Variants in FOXP2 observed in about 807,000 individuals in gnomAD.
FOXP2 encodes the protein forkhead box protein P2.
Under a neutral mutation model 115.8 loss-of-function variants are expected in FOXP2, and 12 were observed. That is an observed-to-expected ratio of 0.10 (90% CI 0.07 to 0.17). The LOEUF (loss-of-function observed/expected upper bound fraction) is 0.17, where lower values mean the gene tolerates loss of function less well. FOXP2 is among the 10% of genes least tolerant of loss of function. The probability of loss-of-function intolerance (pLI) is 1.00; values close to 1 mark genes in which losing one functional copy is unlikely to be tolerated. For missense variants in FOXP2, 629 were observed against 843.5 expected (o/e 0.75, Z 3.15); for synonymous variants, 328 against 297.7 (o/e 1.10, Z -1.05).
chr7:114,469,483 A>G lies in FOXP2; in HGVS notation c.168+42804A>G, dbSNP rs141817398. ...CATTTTCACAGTGGTAAGTTTTTAC[A>G]AAGATATCTAAAAACCACAATAAAA... On this transcript the variant is annotated intron_variant, in intron 2 of 16. Transcript: ENST00000350908. Among the ~76,000 whole-genome samples, 3 of 152,328 alleles carry G rather than the reference A, an allele frequency of 2.0e-5. No homozygotes were observed. The East Asian group carries it at 5.8e-4, about 29-fold the overall frequency.
intron 1 of FOXP2, among the ~76,000 whole-genome samples, chr7:114,127,897 G>A (rs16869679): frequency 1.3e-5 from 2 of 151,934 alleles, no homozygotes; most frequent in Non-Finnish European, 2.9e-5. Flanking sequence ...GACAGTACTA[G>A]GAGATTAAAA....
intron 3 of FOXP2, among the ~76,000 whole-genome samples, chr7:114,542,765 A>G (rs987611533): frequency 1.3e-5 from 2 of 151,306 alleles, no homozygotes; most frequent in African/African-American, 2.4e-5. Context: ...AATGTGGAAT[A>G]AATTTTTTTG....
At chr7:114,377,022 G>T (rs1422449623) in intron 2 of FOXP2, among the ~76,000 whole-genome samples, 1 of 152,130 alleles carries the variant, frequency 6.6e-6, no homozygotes, top group Non-Finnish European at 1.5e-5. Flanking sequence ...GTGCAGGACA[G>T]ATGTCAGACA....
chr7:114,365,980 A>G (rs1791870701), intron 2 of FOXP2, among the ~76,000 whole-genome samples: 1 of 152,236 alleles, frequency 6.6e-6, no homozygotes, highest in African/African-American at 2.4e-5. Context: ...TACCGTCAGT[A>G]TGAATTTTTC....
chr7:114,479,747 A>G (rs1438768530), intron 2 of FOXP2, among the ~76,000 whole-genome samples: 1 of 151,532 alleles, frequency 6.6e-6, no homozygotes, highest in Non-Finnish European at 1.5e-5. Flanking sequence ...GTTTTTTCAG[A>G]AATAAATATA....
intron 1 of FOXP2, among the ~76,000 whole-genome samples, chr7:114,426,165 A>G (rs1793836257): frequency 6.6e-6 from 1 of 151,678 alleles, no homozygotes; most frequent in Non-Finnish European, 1.5e-5. Context: ...GAAACAGAAC[A>G]GAGTGTGCAA....
rs1011245354 is a variant in FOXP2 at position 114,601,267 on chromosome 7, C to T, written c.259-27273C>T. Among the ~76,000 whole-genome samples the T allele has an allele frequency of 5.3e-5, 8 of 152,008 alleles. No individual in the cohort carries two copies. In the South Asian group the frequency reaches 1.5e-3, roughly 28 times the overall value. ...AGGTGTGAGCCACCACACTTGGCCT[C>T]TTCTCATTGTCTTAACTGTGTTTTG... is the stretch of plus-strand genomic sequence containing the variant. On this transcript the variant is annotated intron_variant, in intron 3 of 16. Transcript: ENST00000350908.
At chr7:114,630,065 G>T (rs1483574876) in intron 5 of FOXP2, 60 bp downstream of exon 5, 1 of 1,600,794 alleles carries the variant, frequency 6.2e-7, no homozygotes, top group Non-Finnish European at 8.5e-7. Flanking sequence ...GGCTTTGAGC[G>T]GCAAGAATAG....
At chr7:114,488,518 T>C (rs1261017730) in intron 2 of FOXP2, among the ~76,000 whole-genome samples, 1 of 152,210 alleles carries the variant, frequency 6.6e-6, no homozygotes, top group Non-Finnish European at 1.5e-5. Flanking sequence ...ATGTGATCCA[T>C]AGAGACCACA....
At chr7:114,643,529 C>T (rs966716245) in intron 7 of FOXP2, among the ~76,000 whole-genome samples, 1 of 151,892 alleles carries the variant, frequency 6.6e-6, no homozygotes, top group African/African-American at 2.4e-5. Context: ...TTTTTTATTT[C>T]AGTTATTAAT....
intron 1 of FOXP2, among the ~76,000 whole-genome samples, chr7:114,166,294 G>A (rs1427639814): frequency 6.6e-6 from 1 of 152,064 alleles, no homozygotes; most frequent in African/African-American, 2.4e-5. Context: ...TTTGAGGAAA[G>A]CTTCTGTTAA....
intron 3 of FOXP2, chr7:114,613,870 T>A (rs959818025): frequency 6.6e-6 from 1 of 152,084 alleles, no homozygotes; most frequent in Non-Finnish European, 1.5e-5. Flanking sequence ...CGAGATCAGA[T>A]AAGATTGAGT....
At chr7:114,420,749 G>T (rs1365941458) in intron 1 of FOXP2, among the ~76,000 whole-genome samples, 1 of 151,442 alleles carries the variant, frequency 6.6e-6, no homozygotes, top group Non-Finnish European at 1.5e-5. Context: ...TATCCCCCTT[G>T]TTTTGAAAAA....
chr7:114,517,139 G>A (rs1019546148), intron 2 of FOXP2, among the ~76,000 whole-genome samples: 3 of 151,760 alleles, frequency 2.0e-5, no homozygotes, highest in African/African-American at 7.3e-5. Flanking sequence ...TTGGTCATGT[G>A]TATATCTTCC....
Position 114,222,838 on chromosome 7 carries a change from T to C in FOXP2, c.-102+59750T>C, listed in dbSNP as rs1258806549. Among the ~76,000 whole-genome samples, 3 of 152,186 alleles carry C rather than the reference T, an allele frequency of 2.0e-5. No homozygotes were observed. In the East Asian group the frequency reaches 5.8e-4, roughly 29 times the overall value. On this transcript the variant is annotated intron_variant, in intron 1 of 17. Coordinates refer to the FOXP2 transcript ENST00000634411. ...AACATCTCAGGTGAGAATGCAAGCATGAGATAATGTAATCTTTTTGGCCAC... is the reference window on the plus strand; with the variant it reads ...AACATCTCAGGTGAGAATGCAAGCACGAGATAATGTAATCTTTTTGGCCAC...
intron 3 of FOXP2, among the ~76,000 whole-genome samples, chr7:114,616,414 C>T (rs6945279): frequency 2.0e-4 from 31 of 152,158 alleles, no homozygotes; most frequent in Non-Finnish European, 4.0e-4. Flanking sequence ...CTGGCTGCCT[C>T]TGCCTCCCAA....
rs1277744858 is a variant in FOXP2 at position 114,642,533 on chromosome 7, C to T, written c.899C>T (p.Thr300Ile). The T allele has an allele frequency of 6.2e-7, 1 of 1,613,674 alleles. No individual in the cohort carries two copies. Among genetic ancestry groups the T allele is most frequent in the Non-Finnish European group, 8.5e-7 (1 of 1,179,942 alleles). Residue 300 changes from threonine (T) to isoleucine (I), a missense_variant, in exon 7 of 17, where the codon ACC becomes ATC. By Grantham distance (89) the Thr-to-Ile change is moderately conservative. Around this residue, in one of 9 missense-constraint regions of FOXP2, gnomAD observed 92 missense variants for 80.1 expected, o/e 1.15. Transcript: ENST00000350908. Reference sequence around the variant, plus strand: ...ACTACTAACAATTCCTCCTCGACTACCTCCTCCAACACTTCCAAAGCATCA... The same window carrying T: ...ACTACTAACAATTCCTCCTCGACTATCTCCTCCAACACTTCCAAAGCATCA... ...DLTTNNSSST[T>I]SSNTSKASPP...
At chr7:114,425,616 T>C (rs1490785250) in intron 1 of FOXP2, among the ~76,000 whole-genome samples, 1 of 151,696 alleles carries the variant, frequency 6.6e-6, no homozygotes, top group Non-Finnish European at 1.5e-5. Context: ...ATGCATAATT[T>C]ATGCTGTTTT....
rs151248182 is a variant in FOXP2, at chr7:114,137,451, A to T, written c.-246-25493A>T. On this transcript the variant is annotated intron_variant, in intron 1 of 19. Transcript: ENST00000635638. Reference sequence around the variant, plus strand: ...TACATAATTTTAGATGAGTAGAGAGACATACTTTCAATAAACTTGTGTTCA... The same window carrying T: ...TACATAATTTTAGATGAGTAGAGAGTCATACTTTCAATAAACTTGTGTTCA... Among the ~76,000 whole-genome samples the T allele has an allele frequency of 3.7e-4, 57 of 152,284 alleles. No homozygotes were observed. In the East Asian group the frequency reaches 7.7e-3, roughly 21 times the overall value.
Sources: gnomAD v4.1 joint callset for allele counts (sites outside exome capture counted in the v4.1 genomes callset) on GRCh38, gnomAD v4.1.1 for gene constraint, gnomAD v4.1.1 regional missense constraint, MANE v1.5 for transcripts, NCBI Gene and HGNC (gene_info 2026-07-23, HGNC 2026-07-21) for gene names.